SYNRG: variants seen among roughly 807,000 people sequenced by gnomAD.
The protein encoded by SYNRG is synergin gamma, also known as AP1 gamma subunit binding protein 1.
A neutral mutation model predicts 130.9 loss-of-function variants in SYNRG; 37 were observed. That is an observed-to-expected ratio of 0.28 (90% CI 0.22 to 0.37). The LOEUF (loss-of-function observed/expected upper bound fraction) is 0.37, where lower values mean the gene tolerates loss of function less well. Among genes scored for constraint, SYNRG ranks in the 10% least tolerant of loss-of-function variants. SYNRG has a pLI of 1.00. For missense variants in SYNRG, 1,338 were observed against 1,588.9 expected (o/e 0.84, Z 2.68); for synonymous variants, 539 against 568.1 (o/e 0.95, Z 0.73).
At chr17:37,536,837 C>T (rs1481142487) in intron 18 of SYNRG, 1 of 152,246 alleles carries the variant, frequency 6.6e-6, no homozygotes, top group African/African-American at 2.4e-5. Flanking sequence ...GGACAGCCAC[C>T]AGACACATCC....
chr17:37,563,078 G>A (rs1465530911), intron 11 of SYNRG, among the ~76,000 whole-genome samples: 2 of 152,006 alleles, frequency 1.3e-5, no homozygotes, highest in African/African-American at 2.4e-5. Flanking sequence ...AAAAAGTTAT[G>A]ACTCAAGACT....
At chr17:37,570,489 A>T in intron 10 of SYNRG, 148 bp downstream of exon 10, 1 of 1,044,952 alleles carries the variant, frequency 9.6e-7, no homozygotes. Context: ...TTTTAATTTC[A>T]GGTTTAGCAG....
intron 19 of SYNRG, among the ~76,000 whole-genome samples, chr17:37,532,981 A>G (rs1015774731): frequency 6.6e-6 from 1 of 152,234 alleles, no homozygotes; most frequent in Non-Finnish European, 1.5e-5. Context: ...GAGAAATGTA[A>G]TAAGAAACTA....
chr17:37,556,202 C>T (rs2059108879), intron 13 of SYNRG, among the ~76,000 whole-genome samples: 2 of 152,106 alleles, frequency 1.3e-5, no homozygotes, highest in Non-Finnish European at 1.5e-5. Context: ...GTAATCCCTG[C>T]ACTTTGGAAG....
rs766668842 is a variant in SYNRG, at chr17:37,538,276, TA to T, written c.3517+47del. On this transcript the variant is annotated intron_variant, in intron 18 of 21. Coordinates refer to ENST00000612223, the MANE Select transcript of SYNRG (RefSeq NM_007247.6). ...AAATAATTAAAGGGAAAACTGAAAA[TA>T]ATGCAAAGGGCCATCATTTTCAATA... The T allele has an allele frequency of 2.9e-6, 4 of 1,363,686 alleles. No individual in the cohort carries two copies. In the African/African-American group the frequency reaches 5.9e-5, roughly 20 times the overall value. 84.5% of individuals were successfully genotyped at this position (1,363,686 alleles called of 1,614,324 possible). A position where few individuals can be genotyped will look rare whatever the true frequency, so the allele number is the denominator to read the frequency against.
chr17:37,573,100 C>T (rs1370827642), intron 8 of SYNRG, among the ~76,000 whole-genome samples: 1 of 152,046 alleles, frequency 6.6e-6, no homozygotes, highest in Non-Finnish European at 1.5e-5. Flanking sequence ...TTAGTGGGCT[C>T]TCCATAAGAA....
chr17:37,519,048 ACTGT>A lies in SYNRG; in HGVS notation c.3833_3836del (p.Asp1278ValfsTer50), dbSNP rs1568232048. The A allele has an allele frequency of 2.5e-6, 4 of 1,614,030 alleles. No homozygotes were observed. Among genetic ancestry groups the A allele is most frequent in the East Asian group, 2.2e-5 (1 of 44,878 alleles). On this transcript the variant is annotated frameshift_variant, in exon 22 of 22. Transcript: ENST00000612223. LOFTEE classifies it high-confidence loss of function. ...GGTGCCCTCCATAGGCCAGCTTGAAACTGTCTGTTTCTGAGTTGAATGCCTGCCA... is the reference window on the plus strand; with the variant it reads ...GGTGCCCTCCATAGGCCAGCTTGAAACTGTTTCTGAGTTGAATGCCTGCCA...
chr17:37,596,331 C>T lies in SYNRG; in HGVS notation c.132G>A (p.Pro44=), dbSNP rs995710394. ...GIRPPQAGLM[P]MQQQGFPMVS... ...CCATAGGAAATCCTTGTTGCTGCAT[C>T]GGCATCAGGCCTGCTGAAAATATAA... is the stretch of plus-strand genomic sequence containing the variant. Residue 44 remains proline, a synonymous_variant, in exon 3 of 22, where the codon CCG becomes CCA. Coordinates refer to ENST00000612223, the MANE Select transcript of SYNRG (RefSeq NM_007247.6). 20 of 1,613,868 alleles carry T rather than the reference C, an allele frequency of 1.2e-5. No individual in the cohort carries two copies. The highest frequency in any genetic ancestry group is 2.2e-5 in the South Asian group (2 of 91,084).
chr17:37,545,926 C>T (rs142013237), intron 14 of SYNRG, among the ~76,000 whole-genome samples: 1 of 152,226 alleles, frequency 6.6e-6, no homozygotes, highest in Non-Finnish European at 1.5e-5. Flanking sequence ...AACACCGTGC[C>T]CCTAAACTTA....
At chr17:37,559,515 C>A (rs1390670709) in intron 13 of SYNRG, among the ~76,000 whole-genome samples, 1 of 152,148 alleles carries the variant, frequency 6.6e-6, no homozygotes, top group Non-Finnish European at 1.5e-5. Context: ...CATGGTGAAA[C>A]CCCGTTTCTA....
In SYNRG at chr17:37,553,935, G is replaced by A. The variant is rs1225167273; in HGVS notation, c.1788C>T (p.Pro596=). 2.5e-6 allele frequency: 4 copies of A among 1,610,674 alleles called. No individual in the cohort carries two copies. The highest frequency in any genetic ancestry group is 3.4e-6 in the Non-Finnish European group (4 of 1,179,424). The change falls in exon 14 of 22, where the codon CCC becomes CCT. Residue 596 remains proline (P), a synonymous_variant. Transcript: ENST00000612223. ...TKDKTFPPSF[P]SGTIQQKQQT... ...GTTGTTTCTGTTGTATAGTTCCTGA[G>A]GGGAAGGATGGTGGAAAAGTTTTGT...
intron 14 of SYNRG, 59 bp downstream of exon 14, chr17:37,553,056 G>A (rs1009905824): frequency 1.8e-5 from 27 of 1,516,844 alleles, no homozygotes; most frequent in Middle Eastern, 1.7e-4. Context: ...ATCAACACCC[G>A]CAGAATCATC....
At chr17:37,529,948 GA>G (rs2056445049) in intron 19 of SYNRG, 1 of 1,092,604 alleles carries the variant, frequency 9.2e-7, no homozygotes, top group Non-Finnish European at 1.3e-6. Flanking sequence ...CCCAAACAAA[GA>G]ACCTTAAAAT....
chr17:37,606,459 G>A (rs1430004597), intron 1 of SYNRG, among the ~76,000 whole-genome samples: 1 of 152,190 alleles, frequency 6.6e-6, no homozygotes, highest in Non-Finnish European at 1.5e-5. Context: ...TAACATCCCA[G>A]AAGAACGTGA....
At chr17:37,604,326 T>A (rs1426349380) in intron 1 of SYNRG, among the ~76,000 whole-genome samples, 1 of 152,206 alleles carries the variant, frequency 6.6e-6, no homozygotes, top group Non-Finnish European at 1.5e-5. Context: ...TGCTAAAGCT[T>A]CTACATCAGC....
chr17:37,540,445 G>C lies in SYNRG; in HGVS notation c.3301C>G (p.Leu1101Val). 6.2e-7 allele frequency: 1 copy of C among 1,613,950 alleles called. No homozygotes were observed. The highest frequency in any genetic ancestry group is 8.5e-7 in the Non-Finnish European group (1 of 1,179,946). Reference protein sequence around the residue: ...EQPFRDRSNTLNEKPALPVIR... With the variant: ...EQPFRDRSNTVNEKPALPVIR... ...ACGGGCAGGGCGGGCTTCTCATTCA[G>C]AGTATTGGAACGGTCTCTGAAAGGC... Residue 1101 changes from leucine (L) to valine (V), a missense_variant, in exon 16 of 22, where the codon CTG becomes GTG. Around this residue, in one of 3 missense-constraint regions of SYNRG, gnomAD observed 1,146 missense variants for 1,342.3 expected, o/e 0.85. Coordinates refer to ENST00000612223, the MANE Select transcript of SYNRG (RefSeq NM_007247.6).
chr17:37,593,431 T>G (rs1349163699), intron 3 of SYNRG, among the ~76,000 whole-genome samples: 1 of 151,692 alleles, frequency 6.6e-6, no homozygotes, highest in Non-Finnish European at 1.5e-5. Context: ...GACTAAATTT[T>G]TTTATGTTGA....
In SYNRG at chr17:37,601,464, C is replaced by T. The variant is rs550510926; in HGVS notation, c.78-1061G>A. 5.6e-4 allele frequency among the ~76,000 whole-genome samples: 85 copies of T among 152,164 alleles called. 1 individual carries two copies. The Middle Eastern group carries it at 0.01, about 18-fold the overall frequency. ...GGTAACATATACATAACATAAAATT[C>T]TATCATTTTTAACCATTTTTAAGTG... On this transcript the variant is annotated intron_variant, in intron 1 of 21. Coordinates refer to ENST00000612223, the MANE Select transcript of SYNRG (RefSeq NM_007247.6).
At chr17:37,577,908 C>T (rs1034292351) in intron 6 of SYNRG, among the ~76,000 whole-genome samples, 1 of 151,322 alleles carries the variant, frequency 6.6e-6, no homozygotes. Flanking sequence ...CCATGTTAGA[C>T]AGGCTGGTCT....
Sources: allele counts gnomAD v4.1 joint callset (sites outside exome capture counted in the v4.1 genomes callset), GRCh38; gene constraint gnomAD v4.1.1; regional missense constraint gnomAD v4.1.1; transcripts MANE v1.5; gene names NCBI Gene and HGNC (gene_info 2026-07-23, HGNC 2026-07-21).